The following CDKAL1 variants were observed in gnomAD, a reference collection of about 807,000 sequenced individuals.
CDKAL1 encodes threonylcarbamoyladenosine tRNA methylthiotransferase.
In CDKAL1, 32 loss-of-function variants were observed where a neutral mutation model predicts 68.2. The ratio of observed to expected loss-of-function variants is 0.47; its 90% CI spans 0.35 to 0.63. The LOEUF (loss-of-function observed/expected upper bound fraction) is 0.63. Ranked by LOEUF, CDKAL1 falls within the 30% of genes least tolerant of loss-of-function variation. The pLI is 0.00. For synonymous variants in CDKAL1, 234 were observed against 244.3 expected (o/e 0.96, Z 0.39); for missense variants, 606 against 696.7 (o/e 0.87, Z 1.47).
intron 9 of CDKAL1, among the ~76,000 whole-genome samples, chr6:20,862,826 A>C (rs886703450): frequency 6.6e-6 from 1 of 152,186 alleles, no homozygotes; most frequent in African/African-American, 2.4e-5. Context: ...CAGGAGTTCG[A>C]GACCAGCCTG....
At chr6:20,842,313 A>G (rs1778204325) in intron 8 of CDKAL1, among the ~76,000 whole-genome samples, 1 of 152,202 alleles carries the variant, frequency 6.6e-6, no homozygotes, top group Non-Finnish European at 1.5e-5. Context: ...AGCAAATTAG[A>G]TGCTTGAGTT....
At chr6:20,653,746 G>A (rs1405677051) in intron 5 of CDKAL1, among the ~76,000 whole-genome samples, 1 of 151,350 alleles carries the variant, frequency 6.6e-6, no homozygotes, top group Non-Finnish European at 1.5e-5. Flanking sequence ...TCTCGAGTAG[G>A]TGGGATTACA....
At chr6:20,610,587 T>G (rs771795211) in intron 4 of CDKAL1, among the ~76,000 whole-genome samples, 6 of 152,080 alleles carry the variant, frequency 3.9e-5, no homozygotes, top group Non-Finnish European at 8.8e-5. Context: ...ATGCACAAAC[T>G]TACCATAGGA....
At chr6:20,948,327 A>C (rs1288621863) in intron 9 of CDKAL1, among the ~76,000 whole-genome samples, 4 of 152,310 alleles carry the variant, frequency 2.6e-5, no homozygotes, top group South Asian at 4.1e-4. Flanking sequence ...CCAAAGGGAA[A>C]GACCTTTAGG....
rs565536697 is a variant in CDKAL1, at chr6:20,606,840, T to C, written c.287-42453T>C. Among the ~76,000 whole-genome samples, 137 of 152,368 alleles carry C rather than the reference T, an allele frequency of 9.0e-4. 1 individual carries two copies. The highest frequency in any genetic ancestry group is 3.1e-3 in the African/African-American group (130 of 41,592). ...GTTTTTGATGGACATTCTGGCTATT[T>C]GTGTGAGTCTTCTGCATTGAGGTTT... is the stretch of plus-strand genomic sequence containing the variant. On this transcript the variant is annotated intron_variant, in intron 4 of 15. Coordinates refer to ENST00000274695, the MANE Select transcript of CDKAL1 (RefSeq NM_017774.3).
intron 6 of CDKAL1, among the ~76,000 whole-genome samples, chr6:20,749,348 T>G (rs1348276898): frequency 1.3e-5 from 2 of 152,154 alleles, no homozygotes; most frequent in African/African-American, 4.8e-5. Context: ...TTGCTGTCCC[T>G]CTTTTGACCA....
chr6:20,535,104 T>G (rs1763116409), intron 1 of CDKAL1: 1 of 152,218 alleles, frequency 6.6e-6, no homozygotes, highest in Non-Finnish European at 1.5e-5. Flanking sequence ...TTACTCGCAC[T>G]ATGCAGACGT....
In CDKAL1 at chr6:21,214,090, A is replaced by C. The variant is rs554200632; in HGVS notation, c.1548+12816A>C. On this transcript the variant is annotated intron_variant, in intron 15 of 15. Coordinates refer to ENST00000274695, the MANE Select transcript of CDKAL1 (RefSeq NM_017774.3). ...AGCCACACCAGAAAGGGCAAATATTATATAATTCCACTTATGTGAAATATT... is the reference window on the plus strand; with the variant it reads ...AGCCACACCAGAAAGGGCAAATATTCTATAATTCCACTTATGTGAAATATT... Among the ~76,000 whole-genome samples the C allele has an allele frequency of 1.5e-4, 23 of 152,336 alleles. No homozygotes were observed. In the South Asian group the frequency reaches 4.4e-3, roughly 29 times the overall value.
chr6:20,557,237 C>T (rs1764092472), intron 4 of CDKAL1, among the ~76,000 whole-genome samples: 1 of 151,722 alleles, frequency 6.6e-6, no homozygotes, highest in Non-Finnish European at 1.5e-5. Flanking sequence ...GTTTTCTTGC[C>T]AAAATTCTTT....
chr6:20,814,463 A>G lies in CDKAL1; in HGVS notation c.639-31612A>G, dbSNP rs1302807686. Among the ~76,000 whole-genome samples, 3 of 152,302 alleles carry G rather than the reference A, an allele frequency of 2.0e-5. No individual in the cohort carries two copies. In the East Asian group the frequency reaches 5.8e-4, roughly 29 times the overall value. ...CCCAGCTAACTTTTGTAATTTTAGT[A>G]GAGATGGAGTTTCACCATGTTGGCC... is the stretch of plus-strand genomic sequence containing the variant. On this transcript the variant is annotated intron_variant, in intron 8 of 15. Coordinates refer to ENST00000274695, the MANE Select transcript of CDKAL1 (RefSeq NM_017774.3).
At chr6:21,010,247 A>G (rs1485272058) in intron 11 of CDKAL1, among the ~76,000 whole-genome samples, 1 of 152,220 alleles carries the variant, frequency 6.6e-6, no homozygotes, top group Non-Finnish European at 1.5e-5. Context: ...TAATTATAAA[A>G]CTGCAGAGTT....
intron 9 of CDKAL1, among the ~76,000 whole-genome samples, chr6:20,864,619 G>T (rs769491502): frequency 6.1e-4 from 93 of 152,106 alleles, no homozygotes; most frequent in Non-Finnish European, 1.1e-3. Context: ...AAAAAATAAA[G>T]TGCTACTTAA....
At chr6:21,215,932 T>C (rs1031049611) in intron 15 of CDKAL1, among the ~76,000 whole-genome samples, 1 of 152,114 alleles carries the variant, frequency 6.6e-6, no homozygotes, top group Non-Finnish European at 1.5e-5. Flanking sequence ...ATAAGGAGGG[T>C]ATACTTGATT....
intron 7 of CDKAL1, among the ~76,000 whole-genome samples, chr6:20,779,714 A>AGTTGG (rs1158265529): frequency 3.3e-5 from 5 of 152,170 alleles, no homozygotes; most frequent in African/African-American, 1.2e-4. Context: ...TCTCTCGAGT[A>AGTTGG]GTTGGGTTTA....
intron 13 of CDKAL1, among the ~76,000 whole-genome samples, chr6:21,127,522 A>G (rs920214525): frequency 6.6e-6 from 1 of 152,128 alleles, no homozygotes; most frequent in African/African-American, 2.4e-5. Context: ...GGCCGAGGTC[A>G]GCAGATCATT....
intron 5 of CDKAL1, among the ~76,000 whole-genome samples, chr6:20,651,761 T>C (rs191372387): frequency 6.6e-6 from 1 of 152,360 alleles, no homozygotes; most frequent in Admixed American, 6.5e-5. Flanking sequence ...GTTTTTAACA[T>C]GAAGGGATGT....
chr6:21,231,302 C>T lies in CDKAL1; in HGVS notation c.*263C>T, dbSNP rs900781008. On this transcript the variant is annotated 3_prime_UTR_variant, in exon 16 of 16. Transcript: ENST00000274695. Reference sequence around the variant, plus strand: ...TTTGGTTTACTTTTAGCAAGAAATGCAAGCGGTTGCATTTTTTTCTGTTTG... The same window carrying T: ...TTTGGTTTACTTTTAGCAAGAAATGTAAGCGGTTGCATTTTTTTCTGTTTG... 6.9e-6 allele frequency: 2 copies of T among 289,910 alleles called. No individual in the cohort carries two copies. Among genetic ancestry groups the T allele is most frequent in the Non-Finnish European group, 1.2e-5 (2 of 170,188 alleles). The allele number at this position is 289,910 out of a possible 1,614,324, so 18.0% of individuals were successfully genotyped here.
intron 2 of CDKAL1, among the ~76,000 whole-genome samples, chr6:20,541,676 T>C (rs1763392651): frequency 1.3e-5 from 2 of 152,078 alleles, no homozygotes; most frequent in African/African-American, 2.4e-5. Context: ...TTTTTTTTTT[T>C]TGAGACAGAG....
At chr6:21,062,121 G>A (rs1771168503) in intron 11 of CDKAL1, among the ~76,000 whole-genome samples, 1 of 152,186 alleles carries the variant, frequency 6.6e-6, no homozygotes, top group Admixed American at 6.5e-5. Flanking sequence ...TATCAAGAAG[G>A]ATAGAGGGAA....
Sources: allele counts gnomAD v4.1 joint callset (sites outside exome capture counted in the v4.1 genomes callset), GRCh38; gene constraint gnomAD v4.1.1; transcripts MANE v1.5; gene names NCBI Gene and HGNC (gene_info 2026-07-23, HGNC 2026-07-21).